ARHGAP42: variants seen among roughly 807,000 people sequenced by gnomAD.
ARHGAP42 encodes rho GTPase-activating protein 42.
Under a neutral mutation model 125.0 loss-of-function variants are expected in ARHGAP42, and 63 were observed. The ratio of observed to expected loss-of-function variants is 0.50; its 90% CI spans 0.41 to 0.62. The LOEUF (loss-of-function observed/expected upper bound fraction) is 0.62. Ranked by LOEUF, ARHGAP42 falls within the 20% of genes least tolerant of loss-of-function variation. The probability of loss-of-function intolerance (pLI) is 0.00; values close to 1 mark genes in which losing one functional copy is unlikely to be tolerated. For synonymous variants in ARHGAP42, 339 were observed against 351.0 expected (o/e 0.97, Z 0.38); for missense variants, 766 against 1,024.2 (o/e 0.75, Z 3.44).
chr11:100,987,701 A>G (rs75417120), intron 23 of ARHGAP42, 109 bp downstream of exon 23: 14,422 of 991,964 alleles, frequency 0.015, 562 homozygotes, highest in African/African-American at 0.12. Context: ...ATTTTATCCC[A>G]TGTCCTGCCT....
intron 3 of ARHGAP42, among the ~76,000 whole-genome samples, chr11:100,800,187 C>G (rs1863817760): frequency 6.6e-6 from 1 of 152,078 alleles, no homozygotes; most frequent in Non-Finnish European, 1.5e-5. Flanking sequence ...GCTCAGAAGA[C>G]AATGGTGCTG....
intron 1 of ARHGAP42, among the ~76,000 whole-genome samples, chr11:100,712,697 G>A (rs1271406540): frequency 6.6e-6 from 1 of 152,100 alleles, no homozygotes; most frequent in Non-Finnish European, 1.5e-5. Context: ...GTGAGGGAAG[G>A]AGTTAATGAG....
At chr11:100,919,165 G>A (rs1867165091) in intron 5 of ARHGAP42, among the ~76,000 whole-genome samples, 1 of 152,120 alleles carries the variant, frequency 6.6e-6, no homozygotes, top group Admixed American at 6.6e-5. Context: ...CATGTGAAAT[G>A]TTGTCCACCA....
intron 3 of ARHGAP42, among the ~76,000 whole-genome samples, chr11:100,815,518 G>T (rs919269748): frequency 3.3e-5 from 5 of 152,138 alleles, no homozygotes; most frequent in Admixed American, 6.5e-5. Flanking sequence ...TTGTTGCTCT[G>T]AGCCTAGTTC....
intron 4 of ARHGAP42, among the ~76,000 whole-genome samples, chr11:100,877,806 A>C (rs948883242): frequency 7.9e-5 from 12 of 152,048 alleles, no homozygotes; most frequent in Non-Finnish European, 1.2e-4. Context: ...GGAGTTCGAG[A>C]CCAATCTGGC....
intron 3 of ARHGAP42, among the ~76,000 whole-genome samples, chr11:100,795,577 C>T (rs959476810): frequency 3.3e-5 from 5 of 152,036 alleles, no homozygotes; most frequent in African/African-American, 4.8e-5. Flanking sequence ...TAAAAGGTAA[C>T]GCTTGAGTTG....
At chr11:100,834,016 C>T (rs1307632042) in intron 3 of ARHGAP42, among the ~76,000 whole-genome samples, 1 of 152,100 alleles carries the variant, frequency 6.6e-6, no homozygotes, top group Non-Finnish European at 1.5e-5. Context: ...AAATGTCATC[C>T]AATTTCTAAT....
intron 3 of ARHGAP42, among the ~76,000 whole-genome samples, chr11:100,810,096 T>C (rs1864099621): frequency 1.3e-5 from 2 of 152,112 alleles, no homozygotes; most frequent in South Asian, 4.1e-4. Flanking sequence ...TTAATAGATG[T>C]AAATTAATTA....
At chr11:100,827,618 T>C (rs1023515914) in intron 3 of ARHGAP42, among the ~76,000 whole-genome samples, 5 of 152,114 alleles carry the variant, frequency 3.3e-5, no homozygotes, top group African/African-American at 7.2e-5. Context: ...GGGAATACCA[T>C]GGGGTATAGA....
rs569256330 is a variant in ARHGAP42 at position 100,878,751 on chromosome 11, A to T, written c.384+19126A>T. Among the ~76,000 whole-genome samples the T allele has an allele frequency of 2.6e-5, 4 of 152,174 alleles. No individual in the cohort carries two copies. In the South Asian group the frequency reaches 8.3e-4, roughly 32 times the overall value. Reference sequence around the variant, plus strand: ...CCCCGCCAAATTATATTATGTTTTCATTTTATCTTGCACATGTTCTGCTTG... The same window carrying T: ...CCCCGCCAAATTATATTATGTTTTCTTTTTATCTTGCACATGTTCTGCTTG... On this transcript the variant is annotated intron_variant, in intron 4 of 23. Transcript: ENST00000298815.
chr11:100,778,595 C>A (rs574644769), intron 2 of ARHGAP42, among the ~76,000 whole-genome samples: 1 of 151,052 alleles, frequency 6.6e-6, no homozygotes, highest in South Asian at 2.1e-4. Flanking sequence ...ATTTTTGTAC[C>A]CACACAGAAA....
At chr11:100,818,068 G>T (rs1365644266) in intron 3 of ARHGAP42, among the ~76,000 whole-genome samples, 2 of 152,182 alleles carry the variant, frequency 1.3e-5, no homozygotes, top group African/African-American at 4.8e-5. Context: ...GCATGGTAAA[G>T]CAAGGGAAAG....
At chr11:100,973,624 CCTT>C (rs1858312320) in intron 18 of ARHGAP42, among the ~76,000 whole-genome samples, 1 of 152,142 alleles carries the variant, frequency 6.6e-6, no homozygotes, top group African/African-American at 2.4e-5. Flanking sequence ...TCTATTTTAA[CCTT>C]CTCTTTGTAT....
intron 1 of ARHGAP42, among the ~76,000 whole-genome samples, chr11:100,691,911 C>G (rs1269998774): frequency 1.3e-5 from 2 of 151,362 alleles, no homozygotes; most frequent in African/African-American, 2.5e-5. Flanking sequence ...AGCCATTCCA[C>G]AATGTATCAA....
intron 1 of ARHGAP42, among the ~76,000 whole-genome samples, chr11:100,740,479 C>A (rs1260399495): frequency 6.6e-6 from 1 of 152,144 alleles, no homozygotes; most frequent in Non-Finnish European, 1.5e-5. Flanking sequence ...AGTCATGGAA[C>A]TAAGATTTGA....
In ARHGAP42 at chr11:100,809,873, G is replaced by A. The variant is rs7924568; in HGVS notation, c.312+14707G>A. Among the ~76,000 whole-genome samples the A allele has an allele frequency of 5.5e-3, 838 of 152,076 alleles. 8 individuals are homozygous for A. The highest frequency in any genetic ancestry group is 0.02 in the Middle Eastern group (6 of 294). ...GGAAGATCACTTGAGCCCAGGAGGC[G>A]GAAGTTGCAGTGAGCCAAAATTGTG... On this transcript the variant is annotated intron_variant, in intron 3 of 23. Coordinates refer to ENST00000298815, the MANE Select transcript of ARHGAP42 (RefSeq NM_152432.4).
intron 5 of ARHGAP42, among the ~76,000 whole-genome samples, chr11:100,920,755 A>G (rs1401596767): frequency 6.6e-6 from 1 of 152,188 alleles, no homozygotes; most frequent in Non-Finnish European, 1.5e-5. Context: ...AATCAGATAT[A>G]ATAAAAGTGC....
At chr11:100,899,634 G>A (rs540726076) in intron 4 of ARHGAP42, among the ~76,000 whole-genome samples, 1 of 149,124 alleles carries the variant, frequency 6.7e-6, no homozygotes, top group African/African-American at 2.4e-5. Context: ...TTGGTTTAAA[G>A]TCTGTTTTAT....
At chr11:100,814,799 TCTCACTAGGC>T (rs1163539806) in intron 3 of ARHGAP42, among the ~76,000 whole-genome samples, 3 of 152,206 alleles carry the variant, frequency 2.0e-5, no homozygotes, top group African/African-American at 7.2e-5. Context: ...TCCAGTCCCT[TCTCACTAGGC>T]CTCACTTCCA....
Sources: allele counts gnomAD v4.1 joint callset (sites outside exome capture counted in the v4.1 genomes callset), GRCh38; gene constraint gnomAD v4.1.1; transcripts MANE v1.5; gene names NCBI Gene and HGNC (gene_info 2026-07-23, HGNC 2026-07-21).